GAL3ST2: variants seen among roughly 807,000 people sequenced by gnomAD.
GAL3ST2 encodes beta-galactose-3-O-sulfotransferase 2.
GAL3ST2 carries 16 observed loss-of-function variants against 12.9 expected under a neutral mutation model. That is an observed-to-expected ratio of 1.24 (90% CI 0.84 to 1.88). The LOEUF (loss-of-function observed/expected upper bound fraction) is 1.88, where lower values mean the gene tolerates loss of function less well. Ranked by LOEUF, GAL3ST2 falls within the 40% of genes most tolerant of loss-of-function variation. The pLI is 0.00. For missense variants in GAL3ST2, 639 were observed against 571.8 expected, an observed-to-expected ratio of 1.12 and a Z score of -1.20; for synonymous variants, 302 against 273.9, an observed-to-expected ratio of 1.10 and a Z score of -1.01.
rs2125197076 is a variant in GAL3ST2 at position 241,801,125 on chromosome 2, C to G, written c.120-656C>G. ...CTTTCCTTCCCCTTACACCCCATCC[C>G]CGACAGGCCCTGGGATGCGCTGTTC... On this transcript the variant is annotated intron_variant, in intron 2 of 3. Transcript: ENST00000192314. This position sits in a 1 kb window ranked among gnomAD's most constrained non-coding sequence, Gnocchi z 4.4. 1 of 152,498 alleles carries G rather than the reference C, an allele frequency of 6.6e-6. No homozygotes were observed. The highest frequency in any genetic ancestry group is 1.9e-4 in the East Asian group (1 of 5,186). 9.4% of individuals were successfully genotyped at this position (152,498 alleles called of 1,614,324 possible).
rs1699825323 is a variant in GAL3ST2, at chr2:241,800,295, T to C, written c.119+1141T>C. Among the ~76,000 whole-genome samples, 1 of 134,668 alleles carries C rather than the reference T, an allele frequency of 7.4e-6. No individual in the cohort carries two copies. Among genetic ancestry groups the C allele is most frequent in the African/African-American group, 2.8e-5 (1 of 35,410 alleles). 88.3% of individuals were successfully genotyped at this position (134,668 alleles called of 152,430 possible). On this transcript the variant is annotated intron_variant, in intron 2 of 3. Transcript: ENST00000192314. The surrounding 1 kb of genome is among the most constrained non-coding windows in gnomAD (Gnocchi z 5.2). ...TAAAAAGTGTGGACATCCCACAGGC[T>C]GGGAGCACAGCCGCCGACCCAGGCT...
At chr2:241,786,513 C>T (rs1052550744) in intron 1 of GAL3ST2, among the ~76,000 whole-genome samples, 7 of 152,132 alleles carry the variant, frequency 4.6e-5, no homozygotes, top group Non-Finnish European at 8.8e-5. Context: ...CCTCATCTTC[C>T]CTGTTGGAAA....
At chr2:241,785,120 T>G (rs1306887008) in intron 1 of GAL3ST2, among the ~76,000 whole-genome samples, 3 of 119,448 alleles carry the variant, frequency 2.5e-5, no homozygotes, top group African/African-American at 1.6e-4. Context: ...GCTTTTACAG[T>G]GCACTTAATT....
chr2:241,796,677 T>C (rs1223618127), intron 1 of GAL3ST2, among the ~76,000 whole-genome samples: 1 of 152,144 alleles, frequency 6.6e-6, no homozygotes, highest in Non-Finnish European at 1.5e-5. Context: ...GCTCTGGTCT[T>C]GTCTGAAAGG....
Position 241,801,574 on chromosome 2 carries a change from T to A in GAL3ST2, c.120-207T>A. 1 of 625,016 alleles carries A rather than the reference T, an allele frequency of 1.6e-6. No homozygotes were observed. Among genetic ancestry groups the A allele is most frequent in the Non-Finnish European group, 2.8e-6 (1 of 363,112 alleles). 38.7% of individuals were successfully genotyped at this position (625,016 alleles called of 1,614,324 possible). The stretch of plus-strand genomic sequence containing the variant: ...GTTACGGGAGACAGTTGGGGGAGTT[T>A]GTGTTCGGGCCACCAGCTGGGAGGT... On this transcript the variant is annotated intron_variant, in intron 2 of 3. Transcript: ENST00000192314. This position sits in a 1 kb window ranked among gnomAD's most constrained non-coding sequence, Gnocchi z 4.4.
intron 1 of GAL3ST2, among the ~76,000 whole-genome samples, chr2:241,783,139 CA>C (rs1012991884): frequency 1.4e-3 from 194 of 141,192 alleles, no homozygotes; most frequent in Admixed American, 7.0e-3. Flanking sequence ...ACTCCATCTC[CA>C]AAAAAAAAAA....
At chr2:241,777,568 C>T (rs1699503283) in intron 1 of GAL3ST2, among the ~76,000 whole-genome samples, 1 of 152,162 alleles carries the variant, frequency 6.6e-6, no homozygotes, top group Non-Finnish European at 1.5e-5. Flanking sequence ...GCTCGCCATC[C>T]TGTTTGGGGT....
chr2:241,799,168 C>A lies in GAL3ST2; in HGVS notation c.119+14C>A. The A allele has an allele frequency of 6.2e-7, 1 of 1,611,342 alleles. No individual in the cohort carries two copies. Among genetic ancestry groups the A allele is most frequent in the Non-Finnish European group, 8.5e-7 (1 of 1,177,898 alleles). ...GCTGGACACACCGTAAGTCCTGCCC[C>A]CACCATAAGTCCTGCCCCGGGTACC... On this transcript the variant is annotated intron_variant, in intron 2 of 3. Coordinates refer to ENST00000192314, the MANE Select transcript of GAL3ST2 (RefSeq NM_022134.3).
At chr2:241,789,004 C>A (rs1005180961) in intron 1 of GAL3ST2, among the ~76,000 whole-genome samples, 1 of 152,202 alleles carries the variant, frequency 6.6e-6, no homozygotes, top group African/African-American at 2.4e-5. Flanking sequence ...TTTGAGCACT[C>A]TGTAGGGTTT....
intron 1 of GAL3ST2, among the ~76,000 whole-genome samples, chr2:241,787,603 C>T (rs1699644480): frequency 6.7e-6 from 1 of 149,044 alleles, no homozygotes; most frequent in South Asian, 2.1e-4. Flanking sequence ...CTACTGCTTC[C>T]ATGACGATGG....
At chr2:241,790,385 T>A (rs1013350949) in intron 1 of GAL3ST2, among the ~76,000 whole-genome samples, 3 of 152,250 alleles carry the variant, frequency 2.0e-5, no homozygotes, top group Non-Finnish European at 2.9e-5. Context: ...TTCTTTTGTA[T>A]TTTTCAGAGC....
At chr2:241,784,793 C>G (rs1237640493) in intron 1 of GAL3ST2, among the ~76,000 whole-genome samples, 3 of 152,110 alleles carry the variant, frequency 2.0e-5, no homozygotes, top group Non-Finnish European at 4.4e-5. Context: ...TCTTAATAAC[C>G]TGTTTCAGAA....
At position 241,803,584 on chromosome 2, in the gene GAL3ST2, C is replaced by G. The variant is rs769582126; in HGVS notation, c.615C>G (p.Cys205Trp). Residue 205 changes from cysteine (C) to tryptophan (W), a missense_variant, in exon 4 of 4, where the codon TGC becomes TGG. Transcript: ENST00000192314. ...FDFGFDPNAQ[C>W]EEGYVRARIA... ...TCGGCTTCGACCCCAACGCGCAGTG[C>G]GAGGAGGGCTACGTGCGCGCGCGCA... The G allele has an allele frequency of 3.2e-6, 5 of 1,586,958 alleles. No homozygotes were observed. Among genetic ancestry groups the G allele is most frequent in the Non-Finnish European group, 2.6e-6 (3 of 1,165,996 alleles).
chr2:241,803,745 G>A lies in GAL3ST2; in HGVS notation c.776G>A (p.Arg259His). 1 of 1,526,072 alleles carries A rather than the reference G, an allele frequency of 6.6e-7. No individual in the cohort carries two copies. Among genetic ancestry groups the A allele is most frequent in the South Asian group, 1.2e-5 (1 of 81,716 alleles). The allele number at this position is 1,526,072 out of a possible 1,614,324, so 94.5% of individuals were successfully genotyped here. Residue 259 changes from arginine (R) to histidine (H), a missense_variant, in exon 4 of 4, where the codon CGC becomes CAC. By Grantham distance (29) the Arg-to-His change is conservative (BLOSUM62 0). Transcript: ENST00000192314. ...TTCAGGCTCAACTCCCGCAGCGCGC[G>A]CTCCGTGGCCCGCCTGTCGCCCGAG... ...VAFRLNSRSA[R>H]SVARLSPETR...
intron 1 of GAL3ST2, among the ~76,000 whole-genome samples, chr2:241,780,541 A>G (rs552261399): frequency 6.6e-6 from 1 of 152,160 alleles, no homozygotes; most frequent in African/African-American, 2.4e-5. Flanking sequence ...ACAACAAAAA[A>G]GAAACATAAT....
chr2:241,778,110 C>T (rs1380018115), intron 1 of GAL3ST2, among the ~76,000 whole-genome samples: 1 of 152,242 alleles, frequency 6.6e-6, no homozygotes, highest in Non-Finnish European at 1.5e-5. Context: ...CTTCATTGAG[C>T]ACGGCCTGCA....
At position 241,793,412 on chromosome 2, in the gene GAL3ST2, A is replaced by C. The variant is rs572820218; in HGVS notation, c.30-5653A>C. On this transcript the variant is annotated intron_variant, in intron 1 of 3. Coordinates refer to ENST00000192314, the MANE Select transcript of GAL3ST2 (RefSeq NM_022134.3). This position sits in a 1 kb window ranked among gnomAD's most constrained non-coding sequence, Gnocchi z 4.7. ...CATGTGTGTGTATATGTATGTATAC[A>C]TGTACGTGTGTATATTGTGTACGTG... Among the ~76,000 whole-genome samples the C allele has an allele frequency of 1.3e-5, 2 of 151,628 alleles. No individual in the cohort carries two copies. Among genetic ancestry groups the C allele is most frequent in the Admixed American group, 6.6e-5 (1 of 15,232 alleles).
At chr2:241,799,689 C>T (rs567452503) in intron 2 of GAL3ST2, among the ~76,000 whole-genome samples, 42 of 152,322 alleles carry the variant, frequency 2.8e-4, no homozygotes, top group South Asian at 2.7e-3. Context: ...TTCCAGGCCC[C>T]GCCACTCCCC....
chr2:241,791,976 AC>A (rs1490062789), intron 1 of GAL3ST2, among the ~76,000 whole-genome samples: 1 of 140,464 alleles, frequency 7.1e-6, no homozygotes, highest in African/African-American at 2.6e-5. Flanking sequence ...TGTTTGCCCC[AC>A]CCCCCATTTT....
Sources: gnomAD v4.1 joint callset for allele counts (sites outside exome capture counted in the v4.1 genomes callset) on GRCh38, gnomAD v4.1.1 for gene constraint, Gnocchi (gnomAD v3.1) non-coding constraint, MANE v1.5 for transcripts, NCBI Gene and HGNC (gene_info 2026-07-23, HGNC 2026-07-21) for gene names.